MRPS27: variants seen among roughly 807,000 people sequenced by gnomAD.
MRPS27 encodes mitochondrial ribosomal protein S27.
MRPS27 carries 43 observed loss-of-function variants against 48.9 expected under a neutral mutation model. The observed-to-expected ratio is 0.88, with a 90% CI of 0.69 to 1.13. MRPS27 has a LOEUF of 1.13. Among genes scored for constraint, MRPS27 ranks in the 50% most tolerant of loss-of-function variants. The pLI is 0.00. For synonymous variants in MRPS27, 188 were observed against 171.9 expected, an observed-to-expected ratio of 1.09 and a Z score of -0.73; for missense variants, 467 against 476.3, an observed-to-expected ratio of 0.98 and a Z score of 0.18.
At chr5:72,289,444 AG>A (rs1749761725) in intron 4 of MRPS27, among the ~76,000 whole-genome samples, 1 of 151,064 alleles carries the variant, frequency 6.6e-6, no homozygotes, top group Non-Finnish European at 1.5e-5. Context: ...TTTTTGAGAC[AG>A]GGGTCTCACT....
chr5:72,290,869 T>C (rs1405470416), intron 4 of MRPS27, among the ~76,000 whole-genome samples: 1 of 152,262 alleles, frequency 6.6e-6, no homozygotes, highest in Non-Finnish European at 1.5e-5. Context: ...CAGCAGCTGT[T>C]AGCTGAGCTG....
In MRPS27 at chr5:72,223,697, G is replaced by A. The variant is rs368017037; in HGVS notation, c.991C>T (p.Leu331=). 4 of 1,613,910 alleles carry A rather than the reference G, an allele frequency of 2.5e-6. No homozygotes were observed. Among genetic ancestry groups the A allele is most frequent in the Non-Finnish European group, 3.4e-6 (4 of 1,179,940 alleles). ...CTATGATTCACCTTAAATCGTTCCAGGTATTGAGGAAGCTTGGACTGCTCT... is the reference window on the plus strand; with the variant it reads ...CTATGATTCACCTTAAATCGTTCCAAGTATTGAGGAAGCTTGGACTGCTCT... ...ETEQSKLPQY[L]ERFKALHSKL... Residue 331 remains leucine (L), a synonymous_variant, in exon 10 of 11, where the codon CTG becomes TTG. Transcript: ENST00000261413.
intron 4 of MRPS27, among the ~76,000 whole-genome samples, chr5:72,287,795 C>T (rs149501056): frequency 1.2e-4 from 18 of 152,342 alleles, no homozygotes; most frequent in African/African-American, 3.6e-4. Context: ...GTGGAGGAAG[C>T]GGAACTGCTG....
intron 6 of MRPS27, among the ~76,000 whole-genome samples, chr5:72,233,647 C>A (rs1242541037): frequency 6.6e-6 from 1 of 151,750 alleles, no homozygotes; most frequent in Non-Finnish European, 1.5e-5. Context: ...ACCAGGTAGT[C>A]ATCTAATAAG....
rs1750327715 is a variant in MRPS27 at position 72,308,110 on chromosome 5, GGTCCTAGACAGCTGCATTGGC to G, written c.151+5950_151+5970del. The G allele has an allele frequency of 2.0e-5, 3 of 152,326 alleles. No individual in the cohort carries two copies. In the South Asian group the frequency reaches 6.2e-4, roughly 32 times the overall value. The allele number at this position is 152,326 out of a possible 1,614,324, so 9.4% of individuals were successfully genotyped here. On this transcript the variant is annotated intron_variant, in intron 2 of 10. Transcript: ENST00000261413. ...GCCCTCTGGACGCACCGCGGGCGCA[GGTCCTAGACAGCTGCATTGGC>G]GTCCACCGCGGCCCCGGCGCTGGGA...
chr5:72,221,228 G>A (rs1181127978), intron 10 of MRPS27, 80 bp from the exon 11 acceptor site: 1 of 1,517,066 alleles, frequency 6.6e-7, no homozygotes, highest in African/African-American at 1.4e-5. Context: ...CTAGCCCTGA[G>A]TGACTGACTT....
At chr5:72,260,858 C>CATTA (rs201282244) in intron 4 of MRPS27, among the ~76,000 whole-genome samples, 3 of 152,200 alleles carry the variant, frequency 2.0e-5, no homozygotes, top group East Asian at 1.9e-4. Flanking sequence ...AAATCATTTA[C>CATTA]ATTAATTAAT....
intron 4 of MRPS27, among the ~76,000 whole-genome samples, chr5:72,272,893 G>T (rs1301132562): frequency 1.3e-5 from 2 of 152,152 alleles, no homozygotes; most frequent in African/African-American, 4.8e-5. Flanking sequence ...AGGGTTGAAG[G>T]TAGGTATTGA....
chr5:72,271,245 TACAA>T (rs1464986245), intron 4 of MRPS27, among the ~76,000 whole-genome samples: 1 of 152,168 alleles, frequency 6.6e-6, no homozygotes, highest in African/African-American at 2.4e-5. Flanking sequence ...CGAAGGAATC[TACAA>T]ACAATTACTA....
intron 4 of MRPS27, among the ~76,000 whole-genome samples, chr5:72,239,579 T>C (rs1268570696): frequency 6.6e-6 from 1 of 152,230 alleles, no homozygotes; most frequent in Non-Finnish European, 1.5e-5. Flanking sequence ...AGGCATGGTA[T>C]AGGGGACCTA....
chr5:72,233,722 T>C (rs1748120620), intron 6 of MRPS27, among the ~76,000 whole-genome samples: 1 of 152,074 alleles, frequency 6.6e-6, no homozygotes, highest in South Asian at 2.1e-4. Context: ...CAGTAATATT[T>C]TAAAAGAGCA....
intron 4 of MRPS27, among the ~76,000 whole-genome samples, chr5:72,253,508 T>C (rs1039954879): frequency 2.0e-5 from 3 of 152,212 alleles, no homozygotes; most frequent in African/African-American, 7.2e-5. Flanking sequence ...ACTTAACTCA[T>C]CTGGATTTCA....
chr5:72,230,180 C>CCACT (rs1393965128), intron 7 of MRPS27, among the ~76,000 whole-genome samples: 3 of 152,204 alleles, frequency 2.0e-5, no homozygotes, highest in African/African-American at 7.2e-5. Flanking sequence ...CAGGCATGAG[C>CCACT]CACTGCTCCT....
chr5:72,246,446 C>G (rs1407260230), intron 4 of MRPS27, among the ~76,000 whole-genome samples: 1 of 152,036 alleles, frequency 6.6e-6, no homozygotes, highest in Admixed American at 6.6e-5. Flanking sequence ...GTTGAGGGAA[C>G]AGACAAGCTG....
intron 4 of MRPS27, among the ~76,000 whole-genome samples, chr5:72,242,438 A>C (rs1748378769): frequency 6.6e-6 from 1 of 151,518 alleles, no homozygotes; most frequent in Non-Finnish European, 1.5e-5. Flanking sequence ...GAAAAAAAAA[A>C]AAAAAACACC....
At chr5:72,302,790 G>A (rs1456051502) in intron 2 of MRPS27, among the ~76,000 whole-genome samples, 2 of 152,204 alleles carry the variant, frequency 1.3e-5, no homozygotes. Context: ...ACCAATACTT[G>A]TAAGATGAGA....
At chr5:72,302,433 T>C (rs1358259616) in intron 2 of MRPS27, among the ~76,000 whole-genome samples, 1 of 152,190 alleles carries the variant, frequency 6.6e-6, no homozygotes. Context: ...TCAGTTATGT[T>C]TGGGAGCAAC....
chr5:72,286,768 C>T (rs1749682772), intron 4 of MRPS27, among the ~76,000 whole-genome samples: 2 of 152,188 alleles, frequency 1.3e-5, no homozygotes, highest in Admixed American at 1.3e-4. Context: ...TTTTCTGTGT[C>T]ACAGAACCTT....
intron 8 of MRPS27, chr5:72,227,201 A>G (rs2111938978): frequency 6.6e-6 from 1 of 152,342 alleles, no homozygotes; most frequent in African/African-American, 2.4e-5. Flanking sequence ...CTGCTCACAA[A>G]CCACAACAAA....
Sources: allele counts gnomAD v4.1 joint callset (sites outside exome capture counted in the v4.1 genomes callset), GRCh38; gene constraint gnomAD v4.1.1; transcripts MANE v1.5; gene names NCBI Gene and HGNC (gene_info 2026-07-23, HGNC 2026-07-21).